The following PUDP variants were observed in gnomAD, a reference collection of about 807,000 sequenced individuals.
PUDP encodes pseudouridine-5'-phosphatase.
Under a neutral mutation model 9.4 loss-of-function variants are expected in PUDP, and 8 were observed. The observed-to-expected ratio is 0.85, with a 90% CI of 0.50 to 1.53. The LOEUF (loss-of-function observed/expected upper bound fraction) is 1.53. Ranked by LOEUF, PUDP falls within the 40% of genes most tolerant of loss-of-function variation. The pLI is 0.00. For synonymous variants in PUDP, 99 were observed against 80.7 expected (o/e 1.23, Z -1.22); for missense variants, 188 against 189.7 (o/e 0.99, Z 0.05).
At chrX:6,959,092 G>A (rs1928670728) in intron 3 of PUDP, among the ~76,000 whole-genome samples, 1 of 112,026 alleles carries the variant, frequency 8.9e-6, no homozygotes, top group African/African-American at 3.2e-5. Flanking sequence ...GAATGAAAGA[G>A]CATTTTCAAG....
chrX:6,764,965 T>A (rs1304980870), intron 3 of PUDP, among the ~76,000 whole-genome samples: 1 of 111,121 alleles, frequency 9.0e-6, no homozygotes, highest in Non-Finnish European at 1.9e-5. Flanking sequence ...TATCCCAATA[T>A]CAATTAAAGC....
chrX:7,147,199 C>T (rs1932883501), intron 1 of PUDP, among the ~76,000 whole-genome samples: 1 of 110,627 alleles, frequency 9.0e-6, no homozygotes, highest in African/African-American at 3.3e-5. Context: ...CTCAAACGTT[C>T]ACGCGCTTAA....
At chrX:6,839,892 T>C (rs1926640086) in intron 3 of PUDP, among the ~76,000 whole-genome samples, 1 of 91,165 alleles carries the variant, frequency 1.1e-5, no homozygotes, top group African/African-American at 4.2e-5. Context: ...TAAAAATGTA[T>C]GCCCCCCCCT....
chrX:6,797,416 G>C (rs1925862470), intron 3 of PUDP, among the ~76,000 whole-genome samples: 1 of 111,318 alleles, frequency 9.0e-6, no homozygotes, highest in Non-Finnish European at 1.9e-5. Context: ...CATAGTAATG[G>C]TGCATGACTC....
At chrX:6,943,268 C>T (rs1367744916) in intron 3 of PUDP, among the ~76,000 whole-genome samples, 1 of 111,903 alleles carries the variant, frequency 8.9e-6, no homozygotes, top group Non-Finnish European at 1.9e-5. Flanking sequence ...CCCAGAGAGC[C>T]CTCATCACTA....
intron 1 of PUDP, among the ~76,000 whole-genome samples, chrX:6,994,983 A>G (rs1191365153): frequency 9.0e-6 from 1 of 111,401 alleles, no homozygotes; most frequent in African/African-American, 3.3e-5. Flanking sequence ...AAGTCAAAAT[A>G]TGGAAAAAAA....
intron 1 of PUDP, among the ~76,000 whole-genome samples, chrX:7,011,827 G>A (rs970794487): frequency 1.8e-5 from 2 of 112,344 alleles, no homozygotes; most frequent in Non-Finnish European, 1.9e-5. Flanking sequence ...AAGAAACTGA[G>A]TAGGCACCTA....
At chrX:6,792,542 A>G (rs1406906430) in intron 3 of PUDP, among the ~76,000 whole-genome samples, 1 of 110,851 alleles carries the variant, frequency 9.0e-6, no homozygotes, top group African/African-American at 3.3e-5. Context: ...CTATACCCAG[A>G]GTAAAGAAAT....
chrX:6,956,283 C>T (rs183661205), intron 3 of PUDP, among the ~76,000 whole-genome samples: 6 of 111,116 alleles, frequency 5.4e-5, no homozygotes, highest in Admixed American at 3.8e-4. Context: ...CCTCAGCCTC[C>T]CAAAGTGCTA....
chrX:6,811,545 C>T (rs1261144000), intron 3 of PUDP, among the ~76,000 whole-genome samples: 1 of 111,104 alleles, frequency 9.0e-6, no homozygotes, highest in East Asian at 2.8e-4. Context: ...AAACTCCTGA[C>T]CTCAATTGAT....
At chrX:6,710,048 G>A (rs769252051) in intron 1 of PUDP, among the ~76,000 whole-genome samples, 174 of 111,880 alleles carry the variant, frequency 1.6e-3, no homozygotes, top group African/African-American at 5.4e-3. Flanking sequence ...ACTTGAACCC[G>A]GGAGGTGGAG....
At chrX:6,992,304 G>A (rs1402448904) in intron 1 of PUDP, among the ~76,000 whole-genome samples, 1 of 65,829 alleles carries the variant, frequency 1.5e-5, no homozygotes. Context: ...ACGGAGTCTC[G>A]CTCTGTCGCC....
chrX:6,991,794 A>G (rs2146804911), intron 1 of PUDP, among the ~76,000 whole-genome samples: 1 of 111,458 alleles, frequency 9.0e-6, no homozygotes, highest in African/African-American at 3.2e-5. Flanking sequence ...AATAGAAAAA[A>G]GTAAGTGACA....
chrX:7,111,557 G>T (rs1458114131), intron 1 of PUDP, among the ~76,000 whole-genome samples: 4 of 111,557 alleles, frequency 3.6e-5, no homozygotes, highest in Non-Finnish European at 5.7e-5. Context: ...CCCAGGCAGT[G>T]AAGCCAGGTC....
chrX:6,990,128 T>C (rs888228763), intron 1 of PUDP, among the ~76,000 whole-genome samples: 1 of 109,152 alleles, frequency 9.2e-6, no homozygotes, highest in African/African-American at 3.5e-5. Context: ...CAGGCGCGCA[T>C]GCACACACAC....
At chrX:6,773,421 G>A (rs1925399655) in intron 3 of PUDP, among the ~76,000 whole-genome samples, 1 of 111,766 alleles carries the variant, frequency 8.9e-6, no homozygotes, top group Non-Finnish European at 1.9e-5. Context: ...GAGGCTTGGT[G>A]GGCCCAGAAG....
Position 6,824,624 on chromosome X carries a change from T to C in PUDP, c.*248-118158A>G, listed in dbSNP as rs1348195655. Among the ~76,000 whole-genome samples the C allele has an allele frequency of 3.6e-5, 4 of 111,873 alleles. No homozygotes were observed. The Admixed American group carries it at 3.8e-4, about 11-fold the overall frequency. On this transcript the variant is annotated intron_variant and NMD_transcript_variant, in intron 3 of 3. Transcript: ENST00000655425. Reference sequence around the variant, plus strand: ...TTTGGCTATGCTCCAGTCTGCATTCTTTCCATAACCTGAAGCTGGTATATC... The same window carrying C: ...TTTGGCTATGCTCCAGTCTGCATTCCTTCCATAACCTGAAGCTGGTATATC...
chrX:7,034,045 G>A (rs1929823725), intron 1 of PUDP, among the ~76,000 whole-genome samples: 1 of 111,839 alleles, frequency 8.9e-6, no homozygotes, highest in Non-Finnish European at 1.9e-5. Flanking sequence ...GGTCCTCAGA[G>A]GACAACCTAG....
At chrX:7,136,365 C>T (rs755295761) in intron 1 of PUDP, among the ~76,000 whole-genome samples, 67 of 112,184 alleles carry the variant, frequency 6.0e-4, no homozygotes, top group Non-Finnish European at 9.6e-4. Context: ...GCTCTGAAGG[C>T]CCGTTTGCCT....
Sources: gnomAD v4.1 joint callset for allele counts (sites outside exome capture counted in the v4.1 genomes callset) on GRCh38, gnomAD v4.1.1 for gene constraint, MANE v1.5 for transcripts, NCBI Gene and HGNC (gene_info 2026-07-23, HGNC 2026-07-21) for gene names.